LRRC27: variants seen among roughly 807,000 people sequenced by gnomAD.
The protein encoded by LRRC27 is leucine rich repeat containing 27, also known as leucine-rich repeat-containing protein 27.
LRRC27 carries 57 observed loss-of-function variants against 55.0 expected under a neutral mutation model. The ratio of observed to expected loss-of-function variants is 1.04; its 90% confidence interval spans 0.84 to 1.29. The LOEUF (loss-of-function observed/expected upper bound fraction) is 1.29. LRRC27 is among the 50% of genes most tolerant of loss of function. The pLI, the probability that LRRC27 is intolerant of heterozygous loss-of-function variation, is 0.00. For missense variants in LRRC27, 721 were observed against 651.5 expected (o/e 1.11, Z -1.16); for synonymous variants, 278 against 251.9 (o/e 1.10, Z -0.98).
At position 132,361,577 on chromosome 10, in the gene LRRC27, T is replaced by C. The variant is rs746975988; in HGVS notation, c.1289+2T>C. The stretch of plus-strand genomic sequence containing the variant: ...GCCACAAGCAAGTAAAGAAATGAGG[T>C]TGGTAACTGCAACTGGCACTCAGTC... On this transcript the variant is annotated splice_donor_variant, in intron 9 of 10. Coordinates refer to ENST00000368614, the MANE Select transcript of LRRC27 (RefSeq NM_030626.3). LOFTEE classifies it high-confidence loss of function. 3 of 1,604,810 alleles carry C rather than the reference T, an allele frequency of 1.9e-6. No individual in the cohort carries two copies. The highest frequency in any genetic ancestry group is 1.7e-5 in the Admixed American group (1 of 59,954).
rs867598835 is a variant in LRRC27, at chr10:132,352,099, T to C, written c.1073+346T>C. On this transcript the variant is annotated intron_variant, in intron 7 of 10. Transcript: ENST00000368614. ...GGTGCAGCGCTCCGTGTGGGGCAGA[T>C]GCTGAGGCCTCCGTGTGGGGCAGGC... 1.7e-3 allele frequency among the ~76,000 whole-genome samples: 80 copies of C among 48,384 alleles called. 2 individuals carry two copies. The highest frequency in any genetic ancestry group is 4.8e-3 in the South Asian group (7 of 1,468). 31.7% of individuals were successfully genotyped at this position (48,384 alleles called of 152,430 possible). A position where few individuals can be genotyped will look rare whatever the true frequency, so the allele number is the denominator to read the frequency against.
intron 6 of LRRC27, chr10:132,351,337 T>G: frequency 5.1e-6 from 2 of 390,530 alleles, no homozygotes; most frequent in Non-Finnish European, 9.5e-6. Flanking sequence ...TCAGGTGCAT[T>G]TCCCAAGCCG....
intron 7 of LRRC27, chr10:132,352,912 C>T: frequency 6.2e-7 from 1 of 1,613,974 alleles, no homozygotes; most frequent in Non-Finnish European, 8.5e-7. Flanking sequence ...CTAGAGTATT[C>T]CAGGCCCTGA....
intron 7 of LRRC27, among the ~76,000 whole-genome samples, chr10:132,353,639 A>G (rs2132973188): frequency 6.6e-6 from 1 of 152,204 alleles, no homozygotes. Context: ...AGGACATGGG[A>G]GTGTGGTCCG....
chr10:132,365,612 GTTTT>G (rs925647053), intron 10 of LRRC27, 62 bp downstream of exon 10: 1 of 1,569,846 alleles, frequency 6.4e-7, no homozygotes, highest in East Asian at 2.3e-5. Context: ...TTTTGTTTTT[GTTTT>G]TTTGAGACAG....
chr10:132,330,284 G>A (rs1277763406), upstream of LRRC27: 2 of 594,730 alleles, frequency 3.4e-6, no homozygotes, highest in East Asian at 2.8e-5. Flanking sequence ...GAGGGAATAC[G>A]CTCAAATGGT....
At position 132,355,903 on chromosome 10, in the gene LRRC27, C is replaced by T. The variant is rs377662175; in HGVS notation, c.1170+17C>T. On this transcript the variant is annotated intron_variant, in intron 8 of 10. Transcript: ENST00000368614. ...AGGAGCATGGTACGGCACGCGCGGG[C>T]GGTGACCGGGCACTAGTCCAGTCCC... The T allele has an allele frequency of 2.1e-5, 32 of 1,535,034 alleles. No homozygotes were observed. The highest frequency in any genetic ancestry group is 8.3e-5 in the African/African-American group (6 of 72,598).
In LRRC27 at chr10:132,365,467, G is replaced by A. The variant is rs112108153; in HGVS notation, c.1333G>A (p.Val445Ile). 1.6e-4 allele frequency: 255 copies of A among 1,613,696 alleles called. 2 individuals carry two copies. Among genetic ancestry groups the A allele is most frequent in the African/African-American group, 1.3e-3 (95 of 75,056 alleles). Reference protein sequence around the residue: ...RNLEEKIKQHVLQMREQRRFH... With the variant: ...RNLEEKIKQHILQMREQRRFH... ...TTTAGAAGAGAAGATAAAACAGCAC[G>A]TCCTCCAAATGCGTGAGCAAAGAAG... Residue 445 changes from valine (V) to isoleucine (I), a missense_variant, in exon 10 of 11, where the codon GTC becomes ATC. Val to Ile is a conservative substitution (Grantham distance 29, BLOSUM62 3). Coordinates refer to ENST00000368614, the MANE Select transcript of LRRC27 (RefSeq NM_030626.3).
chr10:132,331,798 A>G, upstream of LRRC27: 1 of 1,599,368 alleles, frequency 6.3e-7, no homozygotes, highest in Non-Finnish European at 8.5e-7. Context: ...CGCGGTCTCT[A>G]CTTGCCCGTC....
chr10:132,343,949 A>AGT (rs151326394), intron 4 of LRRC27, among the ~76,000 whole-genome samples: 4,266 of 152,340 alleles, frequency 0.028, 185 homozygotes, highest in African/African-American at 0.097. Flanking sequence ...AAAGCCTCCA[A>AGT]GTTCACATAA....
chr10:132,337,245 G>C (rs1048639787), intron 2 of LRRC27: 142 of 1,190,138 alleles, frequency 1.2e-4, no homozygotes, highest in Non-Finnish European at 1.4e-4. Flanking sequence ...GAGACACTGA[G>C]TGTGGGGCCC....
intron 8 of LRRC27, among the ~76,000 whole-genome samples, chr10:132,360,511 C>T (rs2068562171): frequency 6.6e-6 from 1 of 152,208 alleles, no homozygotes; most frequent in Non-Finnish European, 1.5e-5. Flanking sequence ...TGTCTGCAGC[C>T]TGTGCCTTGC....
At chr10:132,343,877 GCCAGCCCCCA>G (rs1011532442) in intron 4 of LRRC27, among the ~76,000 whole-genome samples, 6 of 152,220 alleles carry the variant, frequency 3.9e-5, no homozygotes, top group Non-Finnish European at 8.8e-5. Flanking sequence ...TGGGGAGTGA[GCCAGCCCCCA>G]CCAGCCCACT....
In LRRC27 at chr10:132,366,904, C is replaced by G. The variant is rs140432785; in HGVS notation, c.1416+1354C>G. Reference sequence around the variant, plus strand: ...GGATGTGGAGCCACTTCATGGAGACCCCACCCAACCTGACTCGGACCCCAC... The same window carrying G: ...GGATGTGGAGCCACTTCATGGAGACGCCACCCAACCTGACTCGGACCCCAC... On this transcript the variant is annotated intron_variant, in intron 10 of 10. Coordinates refer to ENST00000368614, the MANE Select transcript of LRRC27 (RefSeq NM_030626.3). 8.6e-6 allele frequency: 11 copies of G among 1,285,204 alleles called. No individual in the cohort carries two copies. In the East Asian group the frequency reaches 4.0e-4, roughly 46 times the overall value. 79.6% of individuals were successfully genotyped at this position (1,285,204 alleles called of 1,614,324 possible). A position where few individuals can be genotyped will look rare whatever the true frequency, so the allele number is the denominator to read the frequency against.
At chr10:132,364,479 A>G (rs1564853605) in intron 9 of LRRC27, among the ~76,000 whole-genome samples, 89 of 112,382 alleles carry the variant, frequency 7.9e-4, no homozygotes, top group African/African-American at 3.0e-3. Context: ...ACTTACACCC[A>G]CCCACACTTA....
chr10:132,336,579 C>T (rs1053055424), intron 2 of LRRC27, among the ~76,000 whole-genome samples: 5 of 152,218 alleles, frequency 3.3e-5, no homozygotes, highest in African/African-American at 9.7e-5. Context: ...GTGTGTGTTT[C>T]ATAGAGAAGG....
At chr10:132,352,629 GCTCCGTGTGGGGCAGGCGCTGAGGC>G (rs1242847065) in intron 7 of LRRC27, among the ~76,000 whole-genome samples, 73 of 118,238 alleles carry the variant, frequency 6.2e-4, no homozygotes, top group South Asian at 1.6e-3. Context: ...CAGGTGCAGC[GCTCCGTGTGGGGCAGGCGCTGAGGC>G]CTCCGTGTGG....
rs2069385921 is a variant in LRRC27 at position 132,379,594 on chromosome 10, CTTTCAGTTTTAAA to C, written c.*4359_*4371del. ...ATGATTTTTTTTTAATAAGTGTTTT[CTTTCAGTTTTAAA>C]TTTCAGATGTTGTGTTTTTCAGGTC... is the stretch of plus-strand genomic sequence containing the variant. On this transcript the variant is annotated 3_prime_UTR_variant, in exon 11 of 11. Transcript: ENST00000368614. 1.3e-5 allele frequency: 2 copies of C among 151,908 alleles called. No individual in the cohort carries two copies. The highest frequency in any genetic ancestry group is 2.4e-5 in the African/African-American group (1 of 41,344). The allele number at this position is 151,908 out of a possible 1,614,324, so 9.4% of individuals were successfully genotyped here.
chr10:132,371,909 C>G (rs1040218326), intron 10 of LRRC27, among the ~76,000 whole-genome samples: 2 of 152,248 alleles, frequency 1.3e-5, no homozygotes, highest in Non-Finnish European at 2.9e-5. Context: ...TCCACCTGGT[C>G]TCAGCTGCTG....
Sources: gnomAD v4.1 joint callset for allele counts (sites outside exome capture counted in the v4.1 genomes callset) on GRCh38, gnomAD v4.1.1 for gene constraint, MANE v1.5 for transcripts, NCBI Gene and HGNC (gene_info 2026-07-23, HGNC 2026-07-21) for gene names.